The following SUPT3H variants were observed in gnomAD, a reference collection of about 807,000 sequenced individuals.
SUPT3H encodes SPT3 homolog, SAGA and STAGA complex component, also known as transcription initiation protein SPT3 homolog.
In SUPT3H, 44 loss-of-function variants were observed where a neutral mutation model predicts 44.3. The observed-to-expected ratio is 0.99, with a 90% confidence interval of 0.78 to 1.28. SUPT3H has a LOEUF of 1.28. Among genes scored for constraint, SUPT3H ranks in the 50% most tolerant of loss-of-function variants. SUPT3H has a pLI of 0.00. For synonymous variants in SUPT3H, 124 were observed against 125.6 expected (o/e 0.99, Z 0.09); for missense variants, 380 against 387.1 (o/e 0.98, Z 0.15).
At chr6:44,942,789 C>T (rs1372072472) in intron 9 of SUPT3H, among the ~76,000 whole-genome samples, 1 of 152,070 alleles carries the variant, frequency 6.6e-6, no homozygotes, top group Non-Finnish European at 1.5e-5. Context: ...TGCAATCTCA[C>T]TAAAGCAAAA....
intron 5 of SUPT3H, among the ~76,000 whole-genome samples, chr6:45,007,882 T>G (rs1008287021): frequency 6.6e-6 from 1 of 152,114 alleles, no homozygotes; most frequent in African/African-American, 2.4e-5. Context: ...TACTCTACAC[T>G]CCATCTCTTT....
chr6:45,162,541 C>T (rs1809185593), intron 2 of SUPT3H, among the ~76,000 whole-genome samples: 1 of 152,124 alleles, frequency 6.6e-6, no homozygotes, highest in African/African-American at 2.4e-5. Context: ...AAAACCAAAA[C>T]ATTATATACA....
At chr6:45,090,728 G>C (rs140679993) in intron 3 of SUPT3H, among the ~76,000 whole-genome samples, 2,666 of 151,954 alleles carry the variant, frequency 0.018, 53 homozygotes, top group South Asian at 0.086. Flanking sequence ...TTTAAAACCT[G>C]CCATAGACAA....
rs1792373020 is a variant in SUPT3H, at chr6:45,062,762, A to G, written c.187-42130T>C. Among the ~76,000 whole-genome samples the G allele has an allele frequency of 2.0e-5, 3 of 152,132 alleles. No homozygotes were observed. In the South Asian group the frequency reaches 6.2e-4, roughly 31 times the overall value. On this transcript the variant is annotated intron_variant, in intron 3 of 10. Transcript: ENST00000371459. ...ATTGCGCTTTTCACACCGGCTTAAA[A>G]AGCGGCGAACCATGAGATTATATCT...
intron 10 of SUPT3H, among the ~76,000 whole-genome samples, chr6:44,886,375 G>C (rs564527287): frequency 7.9e-5 from 12 of 151,970 alleles, no homozygotes; most frequent in African/African-American, 2.9e-4. Flanking sequence ...GAGAAAGGTC[G>C]GGTTACCCAC....
At chr6:45,201,928 G>T (rs941717433) in intron 2 of SUPT3H, among the ~76,000 whole-genome samples, 1 of 151,820 alleles carries the variant, frequency 6.6e-6, no homozygotes, top group Non-Finnish European at 1.5e-5. Flanking sequence ...CCCATAAAAT[G>T]TACATTTTCA....
At chr6:45,166,657 G>A (rs866291738) in intron 2 of SUPT3H, among the ~76,000 whole-genome samples, 38 of 149,652 alleles carry the variant, frequency 2.5e-4, no homozygotes, top group African/African-American at 7.3e-4. Context: ...GTAATATCAC[G>A]ACTCAGTAAA....
chr6:44,889,523 A>G (rs1762922093), intron 10 of SUPT3H, among the ~76,000 whole-genome samples: 1 of 152,228 alleles, frequency 6.6e-6, no homozygotes, highest in Non-Finnish European at 1.5e-5. Context: ...AGGAATCCCT[A>G]TTTAATAAAT....
chr6:45,344,184 C>T (rs1331361695), intron 2 of SUPT3H, among the ~76,000 whole-genome samples: 1 of 152,168 alleles, frequency 6.6e-6, no homozygotes, highest in African/African-American at 2.4e-5. Context: ...TAGTAGTATA[C>T]AAAGAGTTAG....
chr6:44,968,358 A>G (rs1777073365), intron 6 of SUPT3H, among the ~76,000 whole-genome samples: 1 of 152,194 alleles, frequency 6.6e-6, no homozygotes, highest in African/African-American at 2.4e-5. Context: ...CAGAAGGATA[A>G]TATTAACAAG....
In SUPT3H at chr6:45,037,151, T is replaced by C. The variant is rs186295046; in HGVS notation, c.187-16519A>G. Among the ~76,000 whole-genome samples the C allele has an allele frequency of 4.6e-5, 7 of 152,058 alleles. No homozygotes were observed. The South Asian group carries it at 1.0e-3, about 23-fold the overall frequency. ...ATAAGAAAATGCAAATATAGTACCATACACAATTCAGCTATGAATTCAGGT... is the reference window on the plus strand; with the variant it reads ...ATAAGAAAATGCAAATATAGTACCACACACAATTCAGCTATGAATTCAGGT... On this transcript the variant is annotated intron_variant, in intron 3 of 10. Transcript: ENST00000371459.
chr6:45,123,730 C>A (rs1164349265), intron 2 of SUPT3H, among the ~76,000 whole-genome samples: 1 of 152,104 alleles, frequency 6.6e-6, no homozygotes, highest in Non-Finnish European at 1.5e-5. Context: ...ATATCTTCAA[C>A]TTTGTGGGCT....
intron 10 of SUPT3H, among the ~76,000 whole-genome samples, chr6:44,930,716 T>C (rs930038667): frequency 1.3e-5 from 2 of 152,174 alleles, no homozygotes; most frequent in Non-Finnish European, 2.9e-5. Context: ...GTGGAGTTTG[T>C]TACCATTTGT....
intron 2 of SUPT3H, among the ~76,000 whole-genome samples, chr6:45,294,532 G>A (rs1006224453): frequency 6.6e-6 from 1 of 151,954 alleles, no homozygotes; most frequent in Non-Finnish European, 1.5e-5. Flanking sequence ...TAAAGAGGAA[G>A]TCAAACTGTT....
At chr6:45,163,347 T>C (rs1382700955) in intron 2 of SUPT3H, among the ~76,000 whole-genome samples, 1 of 152,172 alleles carries the variant, frequency 6.6e-6, no homozygotes, top group African/African-American at 2.4e-5. Flanking sequence ...GGTAATTTAC[T>C]GTTACCTAAA....
intron 2 of SUPT3H, among the ~76,000 whole-genome samples, chr6:45,161,045 C>T (rs1339985693): frequency 6.6e-6 from 1 of 151,924 alleles, no homozygotes. Flanking sequence ...AGTGTGTTCC[C>T]CCAACACTCT....
At chr6:45,353,270 G>C (rs1382077262) in intron 2 of SUPT3H, among the ~76,000 whole-genome samples, 1 of 152,040 alleles carries the variant, frequency 6.6e-6, no homozygotes, top group Non-Finnish European at 1.5e-5. Context: ...CTTAGAATTT[G>C]TTTTGGAACT....
intron 10 of SUPT3H, among the ~76,000 whole-genome samples, chr6:44,878,585 T>C (rs1379081546): frequency 6.6e-6 from 1 of 152,146 alleles, no homozygotes; most frequent in African/African-American, 2.4e-5. Context: ...CACTTACGCA[T>C]TGCTCGTAGT....
At chr6:45,055,182 T>C (rs911030594) in intron 3 of SUPT3H, among the ~76,000 whole-genome samples, 3 of 152,054 alleles carry the variant, frequency 2.0e-5, no homozygotes, top group Non-Finnish European at 4.4e-5. Context: ...TGCTAAAATA[T>C]ATTATCTAAA....
Sources: gnomAD v4.1 joint callset for allele counts (sites outside exome capture counted in the v4.1 genomes callset) on GRCh38, gnomAD v4.1.1 for gene constraint, MANE v1.5 for transcripts, NCBI Gene and HGNC (gene_info 2026-07-23, HGNC 2026-07-21) for gene names.